Variants in TULP4 observed in about 807,000 individuals in gnomAD.
TULP4 encodes the protein TUB like protein 4.
TULP4 carries 16 observed loss-of-function variants against 129.0 expected under a neutral mutation model. The observed-to-expected ratio is 0.12, with a 90% CI of 0.08 to 0.19. The LOEUF (loss-of-function observed/expected upper bound fraction) is 0.19. Ranked by LOEUF, TULP4 falls within the 10% of genes least tolerant of loss-of-function variation. The probability of loss-of-function intolerance (pLI) is 1.00; values close to 1 mark genes in which losing one functional copy is unlikely to be tolerated. For missense variants in TULP4, 1,842 were observed against 2,059.1 expected, an observed-to-expected ratio of 0.89 and a Z score of 2.04; for synonymous variants, 998 against 854.0, an observed-to-expected ratio of 1.17 and a Z score of -2.94.
At chr6:158,309,626 C>T (rs543621921), upstream of TULP4, among the ~76,000 whole-genome samples, 133 of 152,272 alleles carry the variant, frequency 8.7e-4, 1 homozygote, top group African/African-American at 2.9e-3. Flanking sequence ...AACCAGACTC[C>T]GTCTGCAATC....
intron 1 of TULP4, among the ~76,000 whole-genome samples, chr6:158,334,035 ATT>A (rs1301204611): frequency 6.6e-6 from 1 of 152,214 alleles, no homozygotes. Flanking sequence ...CGCTTAAAAT[ATT>A]GTGTGATGCT....
In TULP4 at chr6:158,503,298, C is replaced by T; in HGVS notation, c.3635C>T (p.Ala1212Val). ...GVQAPCSPKDALSPTQFAQQE... is the reference protein window; with the variant it reads ...GVQAPCSPKDVLSPTQFAQQE... ...CAGGCTCCCTGCTCTCCCAAAGATG[C>T]CCTGTCCCCAACGCAGTTTGCACAA... The change falls in exon 13 of 14, where the codon GCC becomes GTC. Residue 1212 changes from alanine to valine, a missense_variant. Ala to Val is a moderately conservative substitution (Grantham distance 64, BLOSUM62 0). Coordinates refer to ENST00000367097, the MANE Select transcript of TULP4 (RefSeq NM_020245.5). The surrounding 1 kb of genome is among the most constrained non-coding windows in gnomAD (Gnocchi z 4.3). 2 of 1,613,880 alleles carry T rather than the reference C, an allele frequency of 1.2e-6. No individual in the cohort carries two copies. The highest frequency in any genetic ancestry group is 1.7e-6 in the Non-Finnish European group (2 of 1,179,954).
At chr6:158,341,788 A>G (rs1352156440) in intron 1 of TULP4, among the ~76,000 whole-genome samples, 2 of 151,848 alleles carry the variant, frequency 1.3e-5, no homozygotes, top group African/African-American at 4.8e-5. Flanking sequence ...AGTTGTTTGA[A>G]TTTCTTATAT....
chr6:158,301,672 T>C (rs1487100547), intron 1 of TULP4, among the ~76,000 whole-genome samples: 1 of 152,092 alleles, frequency 6.6e-6, no homozygotes, highest in Admixed American at 6.5e-5. Context: ...ATTAGCCCAG[T>C]AGGGGAGTGC....
chr6:158,335,750 A>C (rs1039307623), intron 1 of TULP4, among the ~76,000 whole-genome samples: 5 of 152,164 alleles, frequency 3.3e-5, no homozygotes, highest in African/African-American at 1.2e-4. Flanking sequence ...ATGTCAGTTC[A>C]TGTGCATCTT....
At position 158,316,922 on chromosome 6, in the gene TULP4, GCTT is replaced by G. The variant is rs570760278; in HGVS notation, c.252+2659_252+2661del. The stretch of plus-strand genomic sequence containing the variant: ...TGGCCCTCTCCACAGCATGCAGTTT[GCTT>G]CTTCAAGGCCAGGAGGAGAGTATCT... On this transcript the variant is annotated intron_variant, in intron 1 of 13. Transcript: ENST00000367097. Among the ~76,000 whole-genome samples, 95 of 152,346 alleles carry G rather than the reference GCTT, an allele frequency of 6.2e-4. 1 individual carries two copies. The highest frequency in any genetic ancestry group is 2.2e-3 in the African/African-American group (91 of 41,564).
Position 158,507,926 on chromosome 6 carries a change from C to T in TULP4, c.*1232C>T, listed in dbSNP as rs1780641244. The T allele has an allele frequency of 6.6e-6, 1 of 152,090 alleles. No homozygotes were observed. Among genetic ancestry groups the T allele is most frequent in the Non-Finnish European group, 1.5e-5 (1 of 68,000 alleles). The allele number at this position is 152,090 out of a possible 1,614,324, so 9.4% of individuals were successfully genotyped here. A position where few individuals can be genotyped will look rare whatever the true frequency, so the allele number is the denominator to read the frequency against. On this transcript the variant is annotated 3_prime_UTR_variant, in exon 14 of 14. Transcript: ENST00000367097. ...TTTGACAAAATTTTCATGATCTTCT[C>T]TAACAAAAAAAGTTGTTTATTAACT...
chr6:158,361,981 A>G (rs1224291708), intron 1 of TULP4, among the ~76,000 whole-genome samples: 1 of 152,186 alleles, frequency 6.6e-6, no homozygotes, highest in Non-Finnish European at 1.5e-5. Context: ...ATTTTGCCCC[A>G]AGAATGTTCA....
intron 1 of TULP4, among the ~76,000 whole-genome samples, chr6:158,409,281 A>G (rs918115922): frequency 2.0e-5 from 3 of 152,198 alleles, no homozygotes; most frequent in Non-Finnish European, 4.4e-5. Context: ...TAACACTCTA[A>G]AATGAGAGAA....
At chr6:158,404,953 A>T (rs1583841403) in intron 1 of TULP4, among the ~76,000 whole-genome samples, 1 of 152,136 alleles carries the variant, frequency 6.6e-6, no homozygotes, top group Non-Finnish European at 1.5e-5. Context: ...TTAAACTGTT[A>T]TATATGTCAT....
intron 1 of TULP4, chr6:158,398,365 A>C (rs1777765692): frequency 6.6e-6 from 1 of 152,314 alleles, no homozygotes; most frequent in Admixed American, 6.5e-5. Flanking sequence ...CAGAGCAAGC[A>C]GGCTCCTGTT....
chr6:158,305,317 C>CTGTGTACG (rs1779198907), intron 1 of TULP4, among the ~76,000 whole-genome samples: 2 of 115,902 alleles, frequency 1.7e-5, no homozygotes, highest in South Asian at 6.5e-4. Flanking sequence ...ATATTTCATT[C>CTGTGTACG]TGTGTGCGTG....
chr6:158,461,507 A>G, intron 5 of TULP4, 56 bp from the exon 6 acceptor site: 1 of 1,552,170 alleles, frequency 6.4e-7, no homozygotes, highest in Non-Finnish European at 8.8e-7. Context: ...AGGCTTGCTG[A>G]GTGGCAGTTT....
At chr6:158,491,685 G>T (rs1004675037) in intron 9 of TULP4, among the ~76,000 whole-genome samples, 11 of 151,574 alleles carry the variant, frequency 7.3e-5, no homozygotes, top group African/African-American at 2.4e-4. Flanking sequence ...TAGAGATAAG[G>T]TTTCACCATG....
At chr6:158,433,683 G>A (rs1398233523) in intron 3 of TULP4, among the ~76,000 whole-genome samples, 5 of 152,202 alleles carry the variant, frequency 3.3e-5, no homozygotes, top group Non-Finnish European at 1.5e-5. Flanking sequence ...CTCCAGCCTG[G>A]TAACAAGAGG....
intron 3 of TULP4, among the ~76,000 whole-genome samples, chr6:158,439,485 A>C (rs1778832813): frequency 6.6e-6 from 1 of 151,220 alleles, no homozygotes; most frequent in Non-Finnish European, 1.5e-5. Context: ...CTCTCCCTCC[A>C]CCCACCCAGA....
At chr6:158,461,441 A>C in intron 5 of TULP4, 122 bp from the exon 6 acceptor site, 1 of 937,084 alleles carries the variant, frequency 1.1e-6, no homozygotes. Flanking sequence ...AAAACCATGA[A>C]TATATTTTTG....
intron 3 of TULP4, among the ~76,000 whole-genome samples, chr6:158,432,557 C>T (rs1341390152): frequency 1.3e-5 from 2 of 152,190 alleles, no homozygotes; most frequent in Non-Finnish European, 2.9e-5. Context: ...TTCCTGTCAA[C>T]TTTAAAAAAT....
intron 1 of TULP4, among the ~76,000 whole-genome samples, chr6:158,283,177 C>G (rs1220491954): frequency 6.6e-6 from 1 of 151,766 alleles, no homozygotes; most frequent in Non-Finnish European, 1.5e-5. Flanking sequence ...TAAAGACGTT[C>G]ATCTGTAAGA....
Sources: gnomAD v4.1 joint callset for allele counts (sites outside exome capture counted in the v4.1 genomes callset) on GRCh38, gnomAD v4.1.1 for gene constraint, Gnocchi (gnomAD v3.1) non-coding constraint, MANE v1.5 for transcripts, NCBI Gene and HGNC (gene_info 2026-07-23, HGNC 2026-07-21) for gene names.